Variants in MFAP5 observed in about 807,000 individuals in gnomAD.
MFAP5 encodes the protein microfibrillar-associated protein 5.
Under a neutral mutation model 30.1 loss-of-function variants are expected in MFAP5, and 19 were observed. The observed-to-expected ratio is 0.63, with a 90% confidence interval of 0.44 to 0.93. MFAP5 has a LOEUF of 0.93. Among genes scored for constraint, MFAP5 ranks in the 40% least tolerant of loss-of-function variants. The pLI, the probability that MFAP5 is intolerant of heterozygous loss-of-function variation, is 0.00. For missense variants in MFAP5, 210 were observed against 221.3 expected, an observed-to-expected ratio of 0.95 and a Z score of 0.32; for synonymous variants, 92 against 72.9, an observed-to-expected ratio of 1.26 and a Z score of -1.33.
At chr12:8,648,597 T>A in intron 9 of MFAP5, 1 of 1,159,906 alleles carries the variant, frequency 8.6e-7, no homozygotes, top group Non-Finnish European at 1.1e-6. Context: ...CAGTATACAT[T>A]TACGTGCTTA....
intron 3 of MFAP5, 79 bp downstream of exon 3, chr12:8,660,784 G>A: frequency 3.3e-6 from 4 of 1,221,244 alleles, no homozygotes; most frequent in Non-Finnish European, 4.6e-6. Context: ...TAGATAAGCA[G>A]GAAGGATTTT....
At chr12:8,659,856 A>G (rs1038781487) in intron 3 of MFAP5, among the ~76,000 whole-genome samples, 5 of 152,176 alleles carry the variant, frequency 3.3e-5, no homozygotes, top group East Asian at 1.9e-4. Context: ...ATCTTAATTC[A>G]TTTTAAAAAT....
At chr12:8,661,430 A>G (rs965146426) in intron 2 of MFAP5, among the ~76,000 whole-genome samples, 1 of 152,124 alleles carries the variant, frequency 6.6e-6, no homozygotes, top group African/African-American at 2.4e-5. Context: ...GTGTGTCAGT[A>G]TGGCATATAT....
intron 9 of MFAP5, 141 bp downstream of exon 9, chr12:8,649,360 C>G (rs1941768126): frequency 1.5e-6 from 1 of 679,878 alleles, no homozygotes. Context: ...TTTGAGATAA[C>G]TTCCAGCAGG....
chr12:8,653,787 C>A lies in MFAP5; in HGVS notation c.217+650G>T, dbSNP rs367976088. ...CAAAAGATGTCTAGTAGAAGAAAAT[C>A]AGTTTTGTTCACTTTTATATCCTTG... On this transcript the variant is annotated intron_variant, in intron 6 of 9. Transcript: ENST00000359478. Among the ~76,000 whole-genome samples the A allele has an allele frequency of 1.9e-4, 29 of 152,212 alleles. No individual in the cohort carries two copies. The East Asian group carries it at 2.7e-3, about 14-fold the overall frequency.
chr12:8,653,344 T>TTTCCGGG (rs1941894598), intron 6 of MFAP5, among the ~76,000 whole-genome samples: 1 of 152,208 alleles, frequency 6.6e-6, no homozygotes, highest in Non-Finnish European at 1.5e-5. Flanking sequence ...CCCTGCTGGT[T>TTTCCGGG]TTCCGGGTTC....
chr12:8,652,908 G>A (rs1293398117), intron 6 of MFAP5, among the ~76,000 whole-genome samples: 1 of 152,032 alleles, frequency 6.6e-6, no homozygotes, highest in Non-Finnish European at 1.5e-5. Flanking sequence ...TGGATGTCAT[G>A]GCTGGGCGTG....
chr12:8,657,701 T>G (rs770021059), intron 3 of MFAP5, among the ~76,000 whole-genome samples: 1 of 147,082 alleles, frequency 6.8e-6, no homozygotes, highest in African/African-American at 2.6e-5. Flanking sequence ...GCCTCCTGAG[T>G]GGCTGGGACA....
intron 6 of MFAP5, among the ~76,000 whole-genome samples, chr12:8,654,093 T>C (rs1465271000): frequency 7.0e-6 from 1 of 142,616 alleles, no homozygotes; most frequent in Admixed American, 7.4e-5. Context: ...GCCATTGCAC[T>C]GCAGCCTGGA....
At chr12:8,652,922 G>A (rs372222946) in intron 6 of MFAP5, among the ~76,000 whole-genome samples, 5 of 152,148 alleles carry the variant, frequency 3.3e-5, no homozygotes, top group Non-Finnish European at 7.3e-5. Context: ...GGGCGTGGTG[G>A]CTCATGCCTG....
At chr12:8,652,714 A>G (rs978849248) in intron 6 of MFAP5, among the ~76,000 whole-genome samples, 11 of 152,176 alleles carry the variant, frequency 7.2e-5, no homozygotes, top group Admixed American at 2.6e-4. Flanking sequence ...TTCCAACCTC[A>G]TCTCTCTCCT....
At chr12:8,661,855 A>G (rs1311845347) in intron 2 of MFAP5, among the ~76,000 whole-genome samples, 192 bp downstream of exon 2, 4 of 152,178 alleles carry the variant, frequency 2.6e-5, no homozygotes, top group Non-Finnish European at 5.9e-5. Flanking sequence ...CCTTTCCCCT[A>G]GTCTGAAGTC....
chr12:8,655,597 A>G (rs1455128480), intron 4 of MFAP5, 150 bp from the exon 5 acceptor site: 1 of 1,013,282 alleles, frequency 9.9e-7, no homozygotes, highest in Admixed American at 2.6e-5. Context: ...TCGCAGAAAG[A>G]AATGGAAGAG....
chr12:8,654,473 C>G lies in MFAP5; in HGVS notation c.181G>C (p.Val61Leu). Residue 61 changes from valine to leucine, a missense_variant, in exon 6 of 10, where the codon GTT (valine) becomes CTT (leucine). Transcript: ENST00000359478. Reference protein sequence around the residue: ...DPATDETVLAVLADIAPSTDD... With the variant: ...DPATDETVLALLADIAPSTDD... ...GTGGAAGGTGCAATATCAGCCAAAACAGCCAAAACTGAAAAGGCACAAAAC... is the reference window on the plus strand; with the variant it reads ...GTGGAAGGTGCAATATCAGCCAAAAGAGCCAAAACTGAAAAGGCACAAAAC... 6.2e-7 allele frequency: 1 copy of G among 1,604,286 alleles called. No homozygotes were observed. The highest frequency in any genetic ancestry group is 1.1e-5 in the South Asian group (1 of 88,754).
Position 8,647,932 on chromosome 12 carries a change from G to A in MFAP5, c.*159C>T. ...CTAGAAAATGAGATAAATGTTATCA[G>A]TTTGGGTGAAAAAGTAGAGAGTAGG... On this transcript the variant is annotated 3_prime_UTR_variant, in exon 10 of 10. Transcript: ENST00000359478. The A allele has an allele frequency of 1.9e-6, 1 of 528,772 alleles. No homozygotes were observed. The highest frequency in any genetic ancestry group is 3.4e-6 in the Non-Finnish European group (1 of 293,532). The allele number at this position is 528,772 out of a possible 1,614,324, so 32.8% of individuals were successfully genotyped here. A position where few individuals can be genotyped will look rare whatever the true frequency, so the allele number is the denominator to read the frequency against.
intron 5 of MFAP5, 85 bp from the exon 6 acceptor site, chr12:8,654,566 C>T: frequency 3.1e-6 from 4 of 1,277,154 alleles, no homozygotes; most frequent in South Asian, 1.3e-5. Flanking sequence ...ATGGAGATAC[C>T]GTGGCAGGTG....
At chr12:8,656,928 A>G (rs1297296633) in intron 3 of MFAP5, among the ~76,000 whole-genome samples, 1 of 152,008 alleles carries the variant, frequency 6.6e-6, no homozygotes, top group African/African-American at 2.4e-5. Context: ...TAGGCCTCCC[A>G]GTGTGCTAGG....
intron 6 of MFAP5, 189 bp from the exon 7 acceptor site, chr12:8,651,880 A>AAAT: frequency 1.7e-6 from 1 of 574,948 alleles, no homozygotes; most frequent in Non-Finnish European, 3.1e-6. Context: ...TGAAGACATT[A>AAAT]GGAGGCAGGA....
chr12:8,655,321 T>C, intron 5 of MFAP5, 94 bp downstream of exon 5: 1 of 1,173,872 alleles, frequency 8.5e-7, no homozygotes, highest in Non-Finnish European at 1.2e-6. Flanking sequence ...CAAAAGCAAA[T>C]ATAAAAGCAC....
Sources: gnomAD v4.1 joint callset for allele counts (sites outside exome capture counted in the v4.1 genomes callset) on GRCh38, gnomAD v4.1.1 for gene constraint, MANE v1.5 for transcripts, NCBI Gene and HGNC (gene_info 2026-07-23, HGNC 2026-07-21) for gene names.